Variants in ELAVL4 observed in about 807,000 individuals in gnomAD.
ELAVL4 encodes the protein ELAV-like protein 4.
ELAVL4 carries 1 observed loss-of-function variant against 35.6 expected under a neutral mutation model. The observed-to-expected ratio is 0.03, with a 90% CI of 0.01 to 0.13. The LOEUF is 0.13. Among genes scored for constraint, ELAVL4 ranks in the 10% least tolerant of loss-of-function variants. ELAVL4 has a pLI of 1.00. For synonymous variants in ELAVL4, 156 were observed against 171.0 expected (o/e 0.91, Z 0.69); for missense variants, 267 against 464.9 (o/e 0.57, Z 3.91).
intron 1 of ELAVL4, among the ~76,000 whole-genome samples, chr1:50,128,165 T>C (rs1670263616): frequency 6.6e-6 from 1 of 152,070 alleles, no homozygotes; most frequent in African/African-American, 2.4e-5. Context: ...TAATTTCCTA[T>C]GTGGAGATGA....
intron 2 of ELAVL4, among the ~76,000 whole-genome samples, chr1:50,163,298 T>C (rs1677125444): frequency 6.6e-6 from 1 of 152,196 alleles, no homozygotes; most frequent in Non-Finnish European, 1.5e-5. Context: ...AATTCATGAG[T>C]CTGACTTTTC....
chr1:50,076,758 G>T (rs1170009789), intron 1 of ELAVL4, among the ~76,000 whole-genome samples: 3 of 152,132 alleles, frequency 2.0e-5, no homozygotes, highest in East Asian at 1.9e-4. Flanking sequence ...GAAAGAGAGA[G>T]GGGGAGGGGA....
upstream of ELAVL4, among the ~76,000 whole-genome samples, chr1:50,102,787 G>A (rs1666059038): frequency 6.6e-6 from 1 of 152,100 alleles, no homozygotes; most frequent in Admixed American, 6.5e-5. Flanking sequence ...CTTAATGCAG[G>A]GATCTTCAGA....
intron 1 of ELAVL4, among the ~76,000 whole-genome samples, chr1:50,053,064 C>A (rs974319410): frequency 7.9e-5 from 12 of 152,246 alleles, no homozygotes; most frequent in African/African-American, 2.9e-4. Flanking sequence ...ATTGCAAACG[C>A]TTATTATCTA....
At chr1:50,161,674 G>T (rs531188017) in intron 2 of ELAVL4, among the ~76,000 whole-genome samples, 8 of 152,200 alleles carry the variant, frequency 5.3e-5, no homozygotes, top group Non-Finnish European at 1.0e-4. Flanking sequence ...CCAAAAGGGT[G>T]GGGGAGTGGA....
In ELAVL4 at chr1:50,048,287, C is replaced by G. The variant is rs1572087220; in HGVS notation, c.18+105C>G. The G allele has an allele frequency of 6.8e-6, 9 of 1,330,518 alleles. No homozygotes were observed. The East Asian group carries it at 2.4e-4, about 36-fold the overall frequency. 82.4% of individuals were successfully genotyped at this position (1,330,518 alleles called of 1,614,324 possible). A position where few individuals can be genotyped will look rare whatever the true frequency, so the allele number is the denominator to read the frequency against. On this transcript the variant is annotated intron_variant, in intron 1 of 6. Coordinates refer to the ELAVL4 transcript ENST00000448907. ...GCGACTGGCTTCTCCCAGCGGCCAG[C>G]CTGGCCACCCCGACTCCCAGGGAGG...
chr1:50,170,553 T>G (rs921037374), intron 2 of ELAVL4, among the ~76,000 whole-genome samples: 3 of 152,220 alleles, frequency 2.0e-5, no homozygotes, highest in African/African-American at 2.4e-5. Context: ...TTCTTTCCAG[T>G]GTTTCTCATC....
chr1:50,203,523 A>G lies in ELAVL4; in HGVS notation c.*2345A>G, dbSNP rs1356078884. On this transcript the variant is annotated 3_prime_UTR_variant, in exon 7 of 7. Transcript: ENST00000371824. Reference sequence around the variant, plus strand: ...CAAAGTTTTGATGCATTTGCTAAGCATTAGTGGGAAAGGCATGCCAAAATC... The same window carrying G: ...CAAAGTTTTGATGCATTTGCTAAGCGTTAGTGGGAAAGGCATGCCAAAATC... The G allele has an allele frequency of 6.6e-6, 1 of 152,112 alleles. No individual in the cohort carries two copies. Among genetic ancestry groups the G allele is most frequent in the Non-Finnish European group, 1.5e-5 (1 of 68,020 alleles). 9.4% of individuals were successfully genotyped at this position (152,112 alleles called of 1,614,324 possible). A position where few individuals can be genotyped will look rare whatever the true frequency, so the allele number is the denominator to read the frequency against.
rs539994840 is a variant in ELAVL4, at chr1:50,150,189, C to G, written c.250+4992C>G. ...AGCAGCATGGTCAAATGAAGTTAAGCATACCAAAAAATTCAGTCAGTTAGA... is the reference window on the plus strand; with the variant it reads ...AGCAGCATGGTCAAATGAAGTTAAGGATACCAAAAAATTCAGTCAGTTAGA... On this transcript the variant is annotated intron_variant, in intron 2 of 6. Coordinates refer to ENST00000371824, the MANE Select transcript of ELAVL4 (RefSeq NM_001144774.3). 3.3e-4 allele frequency among the ~76,000 whole-genome samples: 51 copies of G among 152,298 alleles called. 1 individual carries two copies. In the South Asian group the frequency reaches 0.011, roughly 32 times the overall value.
intron 1 of ELAVL4, among the ~76,000 whole-genome samples, chr1:50,116,764 C>T (rs1368527827): frequency 2.6e-5 from 4 of 151,942 alleles, no homozygotes; most frequent in African/African-American, 9.7e-5. Context: ...AGTAAATGAC[C>T]AAGTCCCTGA....
chr1:50,159,060 A>G (rs2148747490), intron 2 of ELAVL4, among the ~76,000 whole-genome samples: 1 of 151,874 alleles, frequency 6.6e-6, no homozygotes, highest in African/African-American at 2.4e-5. Context: ...AAAAAAAAGA[A>G]AGAAATACTC....
intron 1 of ELAVL4, among the ~76,000 whole-genome samples, chr1:50,139,929 C>T (rs536814686): frequency 4.0e-4 from 61 of 152,266 alleles, no homozygotes; most frequent in Middle Eastern, 3.4e-3. Context: ...TCGACATTTA[C>T]GATGACAGGA....
intron 2 of ELAVL4, among the ~76,000 whole-genome samples, chr1:50,165,342 C>T (rs553258466): frequency 6.6e-5 from 10 of 151,830 alleles, no homozygotes; most frequent in Non-Finnish European, 1.2e-4. Context: ...CCTCAGATCT[C>T]TGCTCTAACA....
rs1664548239 is a variant in ELAVL4, at chr1:50,071,929, G to A, written c.18+23747G>A. On this transcript the variant is annotated intron_variant, in intron 1 of 6. Coordinates refer to the ELAVL4 transcript ENST00000448907. ...AGCACTCACATAAATTGACATAAATGCATATAAAGTGCTTGGCATCCAGTA... is the reference window on the plus strand; with the variant it reads ...AGCACTCACATAAATTGACATAAATACATATAAAGTGCTTGGCATCCAGTA... Among the ~76,000 whole-genome samples, 3 of 152,064 alleles carry A rather than the reference G, an allele frequency of 2.0e-5. No individual in the cohort carries two copies. The South Asian group carries it at 6.2e-4, about 32-fold the overall frequency.
intron 3 of ELAVL4, among the ~76,000 whole-genome samples, chr1:50,187,627 T>A (rs562576071): frequency 6.6e-6 from 1 of 152,298 alleles, no homozygotes; most frequent in Admixed American, 6.5e-5. Flanking sequence ...TTTGGAGTGA[T>A]TTGTCTCAAA....
chr1:50,105,828 T>C (rs1666254758), upstream of ELAVL4: 1 of 156,200 alleles, frequency 6.4e-6, no homozygotes, highest in Non-Finnish European at 1.4e-5. Context: ...CGCAAGAAAA[T>C]TGAAGAACCC....
intron 2 of ELAVL4, among the ~76,000 whole-genome samples, chr1:50,171,485 C>T (rs892628059): frequency 6.6e-6 from 1 of 152,156 alleles, no homozygotes; most frequent in African/African-American, 2.4e-5. Context: ...CTGATGATAC[C>T]CATTTCACAC....
chr1:50,098,881 C>A (rs1171244312), intron 1 of ELAVL4, among the ~76,000 whole-genome samples: 1 of 152,052 alleles, frequency 6.6e-6, no homozygotes, highest in Admixed American at 6.6e-5. Flanking sequence ...AACTAGACTA[C>A]CAAGTAGGGC....
intron 2 of ELAVL4, among the ~76,000 whole-genome samples, chr1:50,169,089 A>T (rs980272544): frequency 6.6e-6 from 1 of 152,058 alleles, no homozygotes; most frequent in Non-Finnish European, 1.5e-5. Context: ...AGCCAGTCTG[A>T]GTCAAAGAAC....
Sources: allele counts gnomAD v4.1 joint callset (sites outside exome capture counted in the v4.1 genomes callset), GRCh38; gene constraint gnomAD v4.1.1; transcripts MANE v1.5; gene names NCBI Gene and HGNC (gene_info 2026-07-23, HGNC 2026-07-21).